Variants in PFN4 observed in about 807,000 individuals in gnomAD.
The protein encoded by PFN4 is profilin family member 4.
Under a neutral mutation model 16.3 loss-of-function variants are expected in PFN4, and 10 were observed. The ratio of observed to expected loss-of-function variants is 0.61; its 90% CI spans 0.38 to 1.04. The LOEUF (loss-of-function observed/expected upper bound fraction) is 1.04, where lower values mean the gene tolerates loss of function less well. Among genes scored for constraint, PFN4 ranks in the 50% least tolerant of loss-of-function variants. The pLI is 0.01. For missense variants in PFN4, 136 were observed against 153.6 expected, an observed-to-expected ratio of 0.89 and a Z score of 0.61; for synonymous variants, 54 against 56.9, an observed-to-expected ratio of 0.95 and a Z score of 0.23.
At chr2:24,116,393 T>C (rs1665918046) in intron 4 of PFN4, among the ~76,000 whole-genome samples, 2 of 152,162 alleles carry the variant, frequency 1.3e-5, no homozygotes, top group South Asian at 2.1e-4. Context: ...GGTCTCACTA[T>C]GTTGCCCACA....
chr2:24,119,135 C>A (rs927092950), intron 4 of PFN4, among the ~76,000 whole-genome samples: 1 of 152,000 alleles, frequency 6.6e-6, no homozygotes, highest in African/African-American at 2.4e-5. Flanking sequence ...ATAGGGTAGA[C>A]CCCCAGCAGC....
At position 24,121,350 on chromosome 2, in the gene PFN4, G is replaced by C. The variant is rs150064644; in HGVS notation, c.118-50C>G. ...AGGAGTCAGCCAACTATGGCTGGTG[G>C]CCAGCCAAATTTAGCCCACTACCTG... On this transcript the variant is annotated intron_variant, in intron 2 of 4. Transcript: ENST00000313213. 1,048 of 1,561,990 alleles carry C rather than the reference G, an allele frequency of 6.7e-4. 3 individuals carry two copies. The highest frequency in any genetic ancestry group is 5.2e-3 in the African/African-American group (386 of 73,552).
intron 4 of PFN4, among the ~76,000 whole-genome samples, chr2:24,118,615 G>A (rs988719337): frequency 1.3e-5 from 2 of 152,172 alleles, no homozygotes; most frequent in African/African-American, 2.4e-5. Context: ...ATACCACAAT[G>A]GATAGAAGCC....
rs1186885035 is a variant in PFN4 at position 24,121,082 on chromosome 2, A to C, written c.255+81T>G. ...CATTAATGGATTTAATCTGTTTTAC[A>C]GAAAGGATCAGGCAGAGCAAGGAAA... On this transcript the variant is annotated intron_variant, in intron 3 of 4. Transcript: ENST00000313213. 9.8e-6 allele frequency: 15 copies of C among 1,535,420 alleles called. No homozygotes were observed. The East Asian group carries it at 2.9e-4, about 30-fold the overall frequency.
intron 2 of PFN4, among the ~76,000 whole-genome samples, chr2:24,122,074 G>A (rs552727216): frequency 1.3e-5 from 2 of 152,284 alleles, no homozygotes; most frequent in African/African-American, 2.4e-5. Context: ...GCTCATGCCT[G>A]TAATCCCAGC....
intron 4 of PFN4, among the ~76,000 whole-genome samples, chr2:24,118,574 GGGGATAATCATAAA>G (rs1187496324): frequency 3.9e-5 from 6 of 152,322 alleles, no homozygotes; most frequent in African/African-American, 1.4e-4. Context: ...GAACTGTAAT[GGGGATAATCATAAA>G]GGTATGCATA....
chr2:24,117,501 G>A (rs570182889), intron 4 of PFN4, among the ~76,000 whole-genome samples: 1 of 150,964 alleles, frequency 6.6e-6, no homozygotes, highest in African/African-American at 2.4e-5. Context: ...GGAGTGCAAT[G>A]GCGCTATTTT....
intron 4 of PFN4, among the ~76,000 whole-genome samples, chr2:24,116,025 A>G (rs562472990): frequency 6.6e-6 from 1 of 152,106 alleles, no homozygotes; most frequent in South Asian, 2.1e-4. Context: ...GTATTCTATG[A>G]CCTAGACTTA....
At position 24,121,273 on chromosome 2, in the gene PFN4, C is replaced by G; in HGVS notation, c.145G>C (p.Val49Leu). 6.2e-7 allele frequency: 1 copy of G among 1,614,170 alleles called. No individual in the cohort carries two copies. The highest frequency in any genetic ancestry group is 8.5e-7 in the Non-Finnish European group (1 of 1,180,038). Residue 49 changes from valine to leucine, a missense_variant, in exon 3 of 5, where the codon GTG becomes CTG. By Grantham distance (32) the Val-to-Leu change is conservative (BLOSUM62 1). Transcript: ENST00000313213. Reference protein sequence around the residue: ...NVTPSDVRTLVNGFAKNPLQA... With the variant: ...NVTPSDVRTLLNGFAKNPLQA... ...AAAGGGTTCTTGGCAAATCCATTCA[C>G]CAGTGTTCGGACATCACTGGGCGTT...
intron 4 of PFN4, among the ~76,000 whole-genome samples, chr2:24,116,383 G>A (rs1267290000): frequency 6.6e-6 from 1 of 152,022 alleles, no homozygotes; most frequent in Non-Finnish European, 1.5e-5. Context: ...TTAAAGATGG[G>A]GTCTCACTAT....
chr2:24,119,485 C>A, intron 4 of PFN4, 92 bp downstream of exon 4: 1 of 870,404 alleles, frequency 1.1e-6, no homozygotes, highest in Admixed American at 2.3e-5. Context: ...CTCCTTTCTG[C>A]CCTAGCTGGT....
At chr2:24,121,105 A>C in intron 3 of PFN4, 58 bp downstream of exon 3, 5 of 1,597,468 alleles carry the variant, frequency 3.1e-6, no homozygotes, top group Non-Finnish European at 4.3e-6. Context: ...CAGAGCAAGG[A>C]AATTTGGAGG....
chr2:24,120,587 C>T (rs1329341007), intron 3 of PFN4, among the ~76,000 whole-genome samples: 3 of 151,920 alleles, frequency 2.0e-5, no homozygotes, highest in Admixed American at 2.0e-4. Context: ...TGGAATTTCG[C>T]TCTTGTTGCC....
At chr2:24,121,355 C>A in intron 2 of PFN4, 55 bp from the exon 3 acceptor site, 1 of 1,544,704 alleles carries the variant, frequency 6.5e-7, no homozygotes, top group East Asian at 2.3e-5. Flanking sequence ...TGGTGGCCAG[C>A]CAAATTTAGC....
chr2:24,121,349 G>A (rs1573753556), intron 2 of PFN4, 49 bp from the exon 3 acceptor site: 3 of 1,561,870 alleles, frequency 1.9e-6, no homozygotes, highest in East Asian at 2.3e-5. Flanking sequence ...TATGGCTGGT[G>A]GCCAGCCAAA....
At position 24,123,275 on chromosome 2, in the gene PFN4, G is replaced by C. The variant is rs1329272481; in HGVS notation, c.-170C>G. 1.3e-5 allele frequency: 2 copies of C among 152,140 alleles called. No homozygotes were observed. The highest frequency in any genetic ancestry group is 3.9e-4 in the East Asian group (2 of 5,182). 9.4% of individuals were successfully genotyped at this position (152,140 alleles called of 1,614,324 possible). A position where few individuals can be genotyped will look rare whatever the true frequency, so the allele number is the denominator to read the frequency against. On this transcript the variant is annotated 5_prime_UTR_variant, in exon 1 of 5. Transcript: ENST00000313213. ...CGCTCTGTGGTGCCCGCAAGGACCC[G>C]GCGACCAAGGACCCGACCGTCAACG...
chr2:24,117,093 G>A (rs939605571), intron 4 of PFN4, among the ~76,000 whole-genome samples: 6 of 142,308 alleles, frequency 4.2e-5, no homozygotes, highest in East Asian at 2.1e-4. Context: ...TCGGCTCACC[G>A]CAACCTCTGC....
rs972395341 is a variant in PFN4, at chr2:24,119,596, C to T, written c.342G>A (p.Val114=). The T allele has an allele frequency of 1.9e-6, 3 of 1,613,600 alleles. No homozygotes were observed. The highest frequency in any genetic ancestry group is 2.5e-6 in the Non-Finnish European group (3 of 1,179,760). The change falls in exon 4 of 5, where the codon GTG becomes GTA. Residue 114 remains valine, a synonymous_variant. Transcript: ENST00000313213. ...YTEGMYPSIC[V]EATESLGDYL... is the part of the protein sequence containing the mutation. Reference sequence around the variant, plus strand: ...ACTTACCCAGGCTCTCTGTGGCTTCCACACAGATGCTAGGATACATGCCCT... The same window carrying T: ...ACTTACCCAGGCTCTCTGTGGCTTCTACACAGATGCTAGGATACATGCCCT...
intron 3 of PFN4, 90 bp from the exon 4 acceptor site, chr2:24,119,772 G>T: frequency 1.1e-6 from 1 of 879,188 alleles, no homozygotes; most frequent in East Asian, 2.5e-5. Context: ...ACCATTTCCT[G>T]ATTTCCATAT....
Sources: gnomAD v4.1 joint callset for allele counts (sites outside exome capture counted in the v4.1 genomes callset) on GRCh38, gnomAD v4.1.1 for gene constraint, MANE v1.5 for transcripts, NCBI Gene and HGNC (gene_info 2026-07-23, HGNC 2026-07-21) for gene names.